Variants in ACSM4 observed in about 807,000 individuals in gnomAD.
The protein encoded by ACSM4 is acyl-CoA synthetase medium chain family member 4.
ACSM4 carries 66 observed loss-of-function variants against 73.0 expected under a neutral mutation model. The ratio of observed to expected loss-of-function variants is 0.90; its 90% CI spans 0.74 to 1.11. The LOEUF (loss-of-function observed/expected upper bound fraction) is 1.11. ACSM4 is among the 50% of genes least tolerant of loss of function. The probability of loss-of-function intolerance (pLI) is 0.00; values close to 1 mark genes in which losing one functional copy is unlikely to be tolerated. For synonymous variants in ACSM4, 222 were observed against 254.0 expected (o/e 0.87, Z 1.20); for missense variants, 645 against 714.4 (o/e 0.90, Z 1.11).
chr12:7,311,238 A>T (rs1285816563), intron 3 of ACSM4, among the ~76,000 whole-genome samples: 1 of 152,148 alleles, frequency 6.6e-6, no homozygotes, highest in African/African-American at 2.4e-5. Flanking sequence ...AATGAATTTA[A>T]GGGCAGAAGA....
intron 6 of ACSM4, 101 bp downstream of exon 6, chr12:7,320,905 C>A: frequency 2.0e-6 from 2 of 988,982 alleles, no homozygotes; most frequent in South Asian, 1.4e-5. Flanking sequence ...CTTTCTCAGT[C>A]TTACCACCAC....
intron 6 of ACSM4, among the ~76,000 whole-genome samples, chr12:7,321,404 G>A (rs2136335458): frequency 6.6e-6 from 1 of 152,304 alleles, no homozygotes; most frequent in Admixed American, 6.5e-5. Context: ...GAATAGAGGA[G>A]CAAATTAAGT....
At chr12:7,313,571 C>T (rs1312964245) in intron 3 of ACSM4, among the ~76,000 whole-genome samples, 1 of 152,164 alleles carries the variant, frequency 6.6e-6, no homozygotes, top group Non-Finnish European at 1.5e-5. Context: ...CCAGAATATT[C>T]ATAATAGGAT....
chr12:7,327,001 C>T lies in ACSM4; in HGVS notation c.1562C>T (p.Ala521Val). ...GEVVKAFVVLAAPFKSYNPEK... is the reference protein window; with the variant it reads ...GEVVKAFVVLVAPFKSYNPEK... The stretch of plus-strand genomic sequence containing the variant: ...GTGGTGAAAGCTTTTGTTGTCTTAG[C>T]TGCACCCTTTAAGTCCTACAACCCA... The change falls in exon 12 of 13, where the codon GCT becomes GTT. Residue 521 changes from alanine to valine, a missense_variant. Ala to Val is a moderately conservative substitution (Grantham distance 64). Transcript: ENST00000399422. 6.2e-7 allele frequency: 1 copy of T among 1,611,920 alleles called. No individual in the cohort carries two copies. Among genetic ancestry groups the T allele is most frequent in the South Asian group, 1.1e-5 (1 of 90,382 alleles).
At chr12:7,307,667 A>G (rs1946369374) in intron 2 of ACSM4, among the ~76,000 whole-genome samples, 2 of 152,230 alleles carry the variant, frequency 1.3e-5, no homozygotes, top group African/African-American at 4.8e-5. Context: ...ACTCTAGGAC[A>G]GGAGTTAGCA....
intron 1 of ACSM4, among the ~76,000 whole-genome samples, chr12:7,306,154 A>G (rs1244534738): frequency 6.6e-6 from 1 of 152,232 alleles, no homozygotes; most frequent in African/African-American, 2.4e-5. Flanking sequence ...TGGAGAGTCC[A>G]TCTCAATGAG....
intron 1 of ACSM4, 21 bp from the exon 2 acceptor site, chr12:7,306,512 T>C (rs1301454545): frequency 1.9e-6 from 3 of 1,564,218 alleles, no homozygotes; most frequent in Non-Finnish European, 2.6e-6. Flanking sequence ...ACCCCTCTCT[T>C]TTCCATGTGT....
chr12:7,315,169 TTGCA>T (rs1946411980), intron 3 of ACSM4, among the ~76,000 whole-genome samples: 1 of 148,870 alleles, frequency 6.7e-6, no homozygotes, highest in Admixed American at 6.7e-5. Context: ...GCACTCCAGC[TTGCA>T]TGGCAGAGTA....
rs767127356 is a variant in ACSM4, at chr12:7,311,683, G to T, written c.620+937G>T. Among the ~76,000 whole-genome samples, 48 of 152,092 alleles carry T rather than the reference G, an allele frequency of 3.2e-4. No individual in the cohort carries two copies. The East Asian group carries it at 8.3e-3, about 26-fold the overall frequency. Reference sequence around the variant, plus strand: ...CCAAATCTGGCCTGCCACCTTTTTTGTTGTTGTTGTTGTTGTTTTTTTTCT... The same window carrying T: ...CCAAATCTGGCCTGCCACCTTTTTTTTTGTTGTTGTTGTTGTTTTTTTTCT... On this transcript the variant is annotated intron_variant, in intron 3 of 12. Transcript: ENST00000399422.
intron 1 of ACSM4, among the ~76,000 whole-genome samples, 192 bp from the exon 2 acceptor site, chr12:7,306,341 A>G (rs1486867654): frequency 1.3e-5 from 2 of 152,108 alleles, no homozygotes; most frequent in Non-Finnish European, 2.9e-5. Flanking sequence ...GGAAGGGTAA[A>G]AGCAACCTGA....
chr12:7,317,902 GCTT>G, intron 4 of ACSM4, 121 bp from the exon 5 acceptor site: 2 of 1,032,556 alleles, frequency 1.9e-6, no homozygotes, highest in Non-Finnish European at 2.7e-6. Flanking sequence ...CTTGCCTGGG[GCTT>G]CTTTTGACCC....
chr12:7,306,357 T>C (rs956996734), intron 1 of ACSM4, among the ~76,000 whole-genome samples, 176 bp from the exon 2 acceptor site: 1 of 152,164 alleles, frequency 6.6e-6, no homozygotes, highest in Admixed American at 6.5e-5. Context: ...CCTGAGGGAT[T>C]CTCTTTTCAA....
rs376552077 is a variant in ACSM4, at chr12:7,304,491, T to C, written c.160T>C (p.Phe54Leu). 6 of 1,613,784 alleles carry C rather than the reference T, an allele frequency of 3.7e-6. No individual in the cohort carries two copies. Among genetic ancestry groups the C allele is most frequent in the African/African-American group, 2.7e-5 (2 of 74,910 alleles). Residue 54 changes from phenylalanine to leucine, a missense_variant, in exon 1 of 13, where the codon TTT becomes CTT. Physicochemically the swap from Phe to Leu is conservative, Grantham distance 22 (BLOSUM62 0). Transcript: ENST00000399422. The stretch of plus-strand genomic sequence containing the variant: ...CAGGCCATTGCCTAAAAACTTTAAC[T>C]TTGCTGCAGATGTGCTGGACCAGTG... Reference protein sequence around the residue: ...CNRPLPKNFNFAADVLDQWSQ... With the variant: ...CNRPLPKNFNLAADVLDQWSQ...
chr12:7,324,735 C>T, intron 11 of ACSM4, 137 bp downstream of exon 11: 1 of 893,848 alleles, frequency 1.1e-6, no homozygotes. Flanking sequence ...AAATATAAAT[C>T]AGGCAACCAA....
chr12:7,320,641 G>A (rs1277578502), intron 5 of ACSM4, 84 bp from the exon 6 acceptor site: 8 of 1,173,140 alleles, frequency 6.8e-6, no homozygotes, highest in Non-Finnish European at 8.8e-6. Flanking sequence ...ATTAATGGAA[G>A]AAAATAACAG....
Position 7,310,540 on chromosome 12 carries a change from G to A in ACSM4, c.414G>A (p.Gly138=), listed in dbSNP as rs1254246599. 3 of 1,602,958 alleles carry A rather than the reference G, an allele frequency of 1.9e-6. No individual in the cohort carries two copies. The highest frequency in any genetic ancestry group is 2.2e-5 in the East Asian group (1 of 44,462). ...WLVNVACIRT[G]IIFMPGTIQL... ...TGCAGGGCCCTCTGTCCTTCCCAGG[G>A]ATCATCTTCATGCCGGGAACAATCC... Residue 138 remains glycine (G), a splice_region_variant and synonymous_variant, in exon 3 of 13, where the codon GGG becomes GGA. Transcript: ENST00000399422.
intron 7 of ACSM4, 37 bp from the exon 8 acceptor site, chr12:7,323,197 C>T (rs1362598663): frequency 1.1e-5 from 17 of 1,531,794 alleles, no homozygotes; most frequent in Non-Finnish European, 1.5e-5. Context: ...AGAATATAAA[C>T]TTTTGTATAC....
chr12:7,317,460 C>A (rs1006579071), intron 4 of ACSM4, among the ~76,000 whole-genome samples, 180 bp downstream of exon 4: 1 of 152,200 alleles, frequency 6.6e-6, no homozygotes, highest in Non-Finnish European at 1.5e-5. Context: ...ATCTAACCAG[C>A]TGATTAAGCA....
In ACSM4 at chr12:7,317,184, C is replaced by T; in HGVS notation, c.668C>T (p.Pro223Leu). Reference protein sequence around the residue: ...HSCVETGSQEPMTIYFTSGTT... With the variant: ...HSCVETGSQELMTIYFTSGTT... ...TGTGTGGAAACAGGAAGTCAAGAAC[C>T]AATGACCATTTATTTCACCAGTGGG... Residue 223 changes from proline (P) to leucine (L), a missense_variant, in exon 4 of 13, where the codon CCA (proline) becomes CTA (leucine). By Grantham distance (98) the Pro-to-Leu change is moderately conservative. Coordinates refer to ENST00000399422, the MANE Select transcript of ACSM4 (RefSeq NM_001080454.2). The T allele has an allele frequency of 2.5e-6, 4 of 1,612,954 alleles. No individual in the cohort carries two copies.
Sources: allele counts gnomAD v4.1 joint callset (sites outside exome capture counted in the v4.1 genomes callset), GRCh38; gene constraint gnomAD v4.1.1; transcripts MANE v1.5; gene names NCBI Gene and HGNC (gene_info 2026-07-23, HGNC 2026-07-21).